The following FRMD4A variants were observed in gnomAD, a reference collection of about 807,000 sequenced individuals.
FRMD4A encodes FERM domain-containing protein 4A.
FRMD4A carries 29 observed loss-of-function variants against 129.1 expected under a neutral mutation model. That is an observed-to-expected ratio of 0.22 (90% CI 0.17 to 0.31). The LOEUF (loss-of-function observed/expected upper bound fraction) is 0.31. Among genes scored for constraint, FRMD4A ranks in the 10% least tolerant of loss-of-function variants. The pLI is 1.00. For synonymous variants in FRMD4A, 634 were observed against 571.6 expected (o/e 1.11, Z -1.56); for missense variants, 1,272 against 1,375.8 (o/e 0.92, Z 1.19).
intron 15 of FRMD4A, among the ~76,000 whole-genome samples, chr10:13,688,963 A>T (rs143851291): frequency 1.3e-5 from 2 of 152,098 alleles, no homozygotes; most frequent in African/African-American, 4.8e-5. Context: ...TTGGCCTCCC[A>T]AAGTGCTGGG....
chr10:14,178,582 T>A (rs747829096), intron 2 of FRMD4A, among the ~76,000 whole-genome samples: 2 of 152,132 alleles, frequency 1.3e-5, no homozygotes, highest in African/African-American at 4.8e-5. Flanking sequence ...GTGGTGGGGA[T>A]TAGAAAATAT....
At chr10:13,680,912 T>A (rs1467347737) in intron 15 of FRMD4A, among the ~76,000 whole-genome samples, 1 of 151,990 alleles carries the variant, frequency 6.6e-6, no homozygotes, top group Admixed American at 6.6e-5. Flanking sequence ...AAATCTGCTA[T>A]CATGGAGAGA....
At chr10:14,299,639 C>T (rs1350969983) in intron 2 of FRMD4A, among the ~76,000 whole-genome samples, 1 of 152,152 alleles carries the variant, frequency 6.6e-6, no homozygotes, top group East Asian at 1.9e-4. Context: ...GTCCTTGCCT[C>T]CTCTGTCCTT....
rs75417527 is a variant in FRMD4A at position 14,237,995 on chromosome 10, G to T, written c.45+92063C>A. Among the ~76,000 whole-genome samples the T allele has an allele frequency of 3.0e-3, 464 of 152,234 alleles. 7 individuals carry two copies. Among genetic ancestry groups the T allele is most frequent in the East Asian group, 0.022 (116 of 5,162 alleles). On this transcript the variant is annotated intron_variant, in intron 2 of 24. Coordinates refer to ENST00000357447, the MANE Select transcript of FRMD4A (RefSeq NM_018027.5). ...CCAAAATAGACCTGTGCATTCATGGGACCCCTCCCACCTGCCTCTCTGCTC... is the reference window on the plus strand; with the variant it reads ...CCAAAATAGACCTGTGCATTCATGGTACCCCTCCCACCTGCCTCTCTGCTC...
intron 2 of FRMD4A, among the ~76,000 whole-genome samples, chr10:13,922,863 T>C (rs528445819): frequency 6.6e-6 from 1 of 152,350 alleles, no homozygotes; most frequent in Non-Finnish European, 1.5e-5. Context: ...TATTTATGAC[T>C]TCTTCAGACT....
At chr10:13,781,291 C>A (rs1271240734) in intron 6 of FRMD4A, among the ~76,000 whole-genome samples, 2 of 120,954 alleles carry the variant, frequency 1.7e-5, no homozygotes, top group African/African-American at 6.0e-5. Flanking sequence ...GCGAGAGAGA[C>A]CCTGTCTTAA....
intron 12 of FRMD4A, among the ~76,000 whole-genome samples, chr10:13,731,370 C>G (rs192110616): frequency 6.6e-6 from 1 of 152,018 alleles, no homozygotes; most frequent in Non-Finnish European, 1.5e-5. Flanking sequence ...ACATCTTGGC[C>G]GGGCGCAGTG....
chr10:13,781,199 G>A (rs1055784710), intron 6 of FRMD4A, among the ~76,000 whole-genome samples: 2 of 151,156 alleles, frequency 1.3e-5, no homozygotes, highest in Admixed American at 6.6e-5. Context: ...AGCTACTTAG[G>A]AGGGTGAAGT....
chr10:14,315,125 C>T (rs191300665), intron 2 of FRMD4A, among the ~76,000 whole-genome samples: 124 of 151,886 alleles, frequency 8.2e-4, no homozygotes, highest in Non-Finnish European at 1.4e-3. Context: ...ACTCTCCTTC[C>T]ACTCCCTCCC....
rs140978064 is a variant in FRMD4A, at chr10:13,828,278, G to A, written c.112-17370C>T. Among the ~76,000 whole-genome samples, 472 of 152,224 alleles carry A rather than the reference G, an allele frequency of 3.1e-3. 4 individuals carry two copies. Among genetic ancestry groups the A allele is most frequent in the Non-Finnish European group, 5.5e-3 (373 of 68,006 alleles). On this transcript the variant is annotated intron_variant, in intron 3 of 24. Coordinates refer to ENST00000357447, the MANE Select transcript of FRMD4A (RefSeq NM_018027.5). Reference sequence around the variant, plus strand: ...TGTATCCATCACCCAAATAGCATCCGTTGTACCCATTAGGTCATTTCTCAT... The same window carrying A: ...TGTATCCATCACCCAAATAGCATCCATTGTACCCATTAGGTCATTTCTCAT...
At chr10:14,086,926 T>G (rs1440128825) in intron 2 of FRMD4A, among the ~76,000 whole-genome samples, 1 of 152,142 alleles carries the variant, frequency 6.6e-6, no homozygotes, top group East Asian at 1.9e-4. Flanking sequence ...TTGGAGGTTC[T>G]CCCCACATCT....
intron 2 of FRMD4A, among the ~76,000 whole-genome samples, chr10:14,201,155 G>A (rs1056734549): frequency 6.6e-6 from 1 of 152,198 alleles, no homozygotes; most frequent in Non-Finnish European, 1.5e-5. Flanking sequence ...GACCCCAGAG[G>A]TCTGAGTTGC....
intron 2 of FRMD4A, among the ~76,000 whole-genome samples, chr10:14,297,251 A>G (rs1402359741): frequency 2.0e-5 from 3 of 152,142 alleles, no homozygotes; most frequent in Non-Finnish European, 2.9e-5. Flanking sequence ...TGTACTTCTA[A>G]GGCACATGAC....
chr10:13,778,816 C>T (rs1035983839), intron 6 of FRMD4A, among the ~76,000 whole-genome samples: 1 of 152,110 alleles, frequency 6.6e-6, no homozygotes, highest in African/African-American at 2.4e-5. Context: ...CATGTGATCT[C>T]ATCTTCATTC....
At chr10:13,908,566 A>T (rs1269355262) in intron 2 of FRMD4A, among the ~76,000 whole-genome samples, 1 of 152,230 alleles carries the variant, frequency 6.6e-6, no homozygotes, top group African/African-American at 2.4e-5. Flanking sequence ...CCATGGTGCA[A>T]ATATACCACA....
intron 2 of FRMD4A, chr10:13,891,523 G>A (rs2094696285): frequency 3.7e-6 from 3 of 821,694 alleles, no homozygotes; most frequent in Non-Finnish European, 4.4e-6. Flanking sequence ...AAGAAGCAGC[G>A]GCGCGTCCCT....
chr10:14,194,480 A>G lies in FRMD4A; in HGVS notation c.45+135578T>C, dbSNP rs571320462. The stretch of plus-strand genomic sequence containing the variant: ...CAAAAAATTAGCCGGGCGTGGTGGC[A>G]GGCACCTATAGTCCCAGCTACTCGG... On this transcript the variant is annotated intron_variant, in intron 2 of 24. Coordinates refer to ENST00000357447, the MANE Select transcript of FRMD4A (RefSeq NM_018027.5). Among the ~76,000 whole-genome samples, 382 of 152,278 alleles carry G rather than the reference A, an allele frequency of 2.5e-3. 1 individual carries two copies. The highest frequency in any genetic ancestry group is 7.5e-3 in the South Asian group (36 of 4,822).
At chr10:13,949,659 A>G (rs1362994909) in intron 2 of FRMD4A, among the ~76,000 whole-genome samples, 1 of 152,226 alleles carries the variant, frequency 6.6e-6, no homozygotes, top group Admixed American at 6.5e-5. Context: ...ATGACTTACA[A>G]AGCAATTCCA....
At chr10:13,750,113 A>AAAGG (rs2091528620) in intron 8 of FRMD4A, among the ~76,000 whole-genome samples, 2 of 108,158 alleles carry the variant, frequency 1.8e-5, no homozygotes, top group Admixed American at 9.2e-5. Flanking sequence ...AGAAATGAAG[A>AAAGG]AAGAAAGAAA....
Sources: gnomAD v4.1 joint callset for allele counts (sites outside exome capture counted in the v4.1 genomes callset) on GRCh38, gnomAD v4.1.1 for gene constraint, MANE v1.5 for transcripts, NCBI Gene and HGNC (gene_info 2026-07-23, HGNC 2026-07-21) for gene names.